CWC22: variants seen among roughly 807,000 people sequenced by gnomAD.
The protein encoded by CWC22 is CWC22 spliceosome associated protein.
A neutral mutation model predicts 117.2 loss-of-function variants in CWC22; 53 were observed. The ratio of observed to expected loss-of-function variants is 0.45; its 90% CI spans 0.36 to 0.57. CWC22 has a LOEUF of 0.57. Ranked by LOEUF, CWC22 falls within the 20% of genes least tolerant of loss-of-function variation. CWC22 has a pLI of 0.00. For synonymous variants in CWC22, 360 were observed against 355.6 expected, an observed-to-expected ratio of 1.01 and a Z score of -0.14; for missense variants, 980 against 1,068.8, an observed-to-expected ratio of 0.92 and a Z score of 1.16.
At chr2:180,002,614 T>C (rs887876217) in intron 1 of CWC22, among the ~76,000 whole-genome samples, 10 of 152,190 alleles carry the variant, frequency 6.6e-5, no homozygotes, top group Non-Finnish European at 1.5e-4. Context: ...AGACAAGGCA[T>C]TGAGGACTCT....
intron 5 of CWC22, among the ~76,000 whole-genome samples, chr2:179,980,292 T>C (rs2105539155): frequency 6.6e-6 from 1 of 152,276 alleles, no homozygotes; most frequent in East Asian, 1.9e-4. Context: ...AGCGCTAAAA[T>C]ATGACACATA....
chr2:179,952,509 G>A lies in CWC22; in HGVS notation c.1779C>T (p.Tyr593=). ...TTGCATTAAGTTTAGGAAGACCCAT[G>A]TATTCACACAGTTCCTGGAAAAATA... is the stretch of plus-strand genomic sequence containing the variant. ...VKIFFQELCE[Y]MGLPKLNARL... The change falls in exon 17 of 20, where the codon TAC becomes TAT. Residue 593 remains tyrosine, a synonymous_variant. Coordinates refer to ENST00000410053, the MANE Select transcript of CWC22 (RefSeq NM_020943.3). 1 of 1,570,890 alleles carries A rather than the reference G, an allele frequency of 6.4e-7. No homozygotes were observed. The highest frequency in any genetic ancestry group is 8.6e-7 in the Non-Finnish European group (1 of 1,156,608).
chr2:179,986,859 T>A, intron 3 of CWC22, 54 bp from the exon 4 acceptor site: 3 of 993,476 alleles, frequency 3.0e-6, no homozygotes, highest in Non-Finnish European at 4.4e-6. Context: ...ATGTTATAAA[T>A]ATTTAGGAAA....
chr2:179,988,458 GT>G (rs1687474728), intron 3 of CWC22, 118 bp downstream of exon 3: 3 of 604,224 alleles, frequency 5.0e-6, no homozygotes, highest in Non-Finnish European at 8.8e-6. Context: ...AGTAATATTG[GT>G]TATAAAACCA....
chr2:179,972,723 T>C (rs113859875), intron 8 of CWC22, among the ~76,000 whole-genome samples: 315 of 152,226 alleles, frequency 2.1e-3, no homozygotes, highest in African/African-American at 7.0e-3. Context: ...GAATATTAAA[T>C]ATGGCCAGGC....
At chr2:179,961,447 A>G (rs989956844) in intron 13 of CWC22, among the ~76,000 whole-genome samples, 3 of 151,990 alleles carry the variant, frequency 2.0e-5, no homozygotes, top group Non-Finnish European at 2.9e-5. Context: ...TAAAAAAGAA[A>G]CCTATCAGGA....
At chr2:179,950,292 T>G (rs1249342456) in intron 19 of CWC22, among the ~76,000 whole-genome samples, 1 of 152,180 alleles carries the variant, frequency 6.6e-6, no homozygotes, top group African/African-American at 2.4e-5. Flanking sequence ...GAATGAAATA[T>G]TTTCATTTCT....
chr2:179,990,884 T>C (rs1051054860), intron 2 of CWC22, among the ~76,000 whole-genome samples: 6 of 152,172 alleles, frequency 3.9e-5, no homozygotes, highest in Admixed American at 3.3e-4. Flanking sequence ...TGGCATACAG[T>C]GCTAACGGAT....
intron 6 of CWC22, among the ~76,000 whole-genome samples, chr2:179,976,297 T>C (rs1687150364): frequency 6.6e-6 from 1 of 152,170 alleles, no homozygotes; most frequent in Non-Finnish European, 1.5e-5. Context: ...ACTGTGAAAC[T>C]ACTATAAGTT....
At chr2:179,961,779 C>T (rs537558903) in intron 13 of CWC22, among the ~76,000 whole-genome samples, 79 of 151,974 alleles carry the variant, frequency 5.2e-4, no homozygotes, top group Middle Eastern at 3.4e-3. Context: ...CCCCCCTACA[C>T]CAAGACAGTT....
In CWC22 at chr2:179,945,202, T is replaced by G; in HGVS notation, c.2654A>C (p.Tyr885Ser). 6.2e-7 allele frequency: 1 copy of G among 1,613,806 alleles called. No homozygotes were observed. Residue 885 changes from tyrosine to serine, a missense_variant, in exon 20 of 20, where the codon TAC (tyrosine) becomes TCC (serine). Tyr to Ser is a moderately radical substitution (Grantham distance 144). Transcript: ENST00000410053. The part of the protein sequence containing the change: ...AERRWEKSSR[Y>S]SEQSRESKKN... ...CTTTGATTCTCTGGATTGTTCAGAG[T>G]ATCTGCTAGATTTTTCCCATCGTCT...
intron 1 of CWC22, among the ~76,000 whole-genome samples, chr2:180,004,388 C>T (rs187730537): frequency 2.6e-5 from 4 of 151,862 alleles, no homozygotes; most frequent in Non-Finnish European, 5.9e-5. Context: ...TTCTTTTTTT[C>T]TTCTTCTTCT....
intron 7 of CWC22, 62 bp downstream of exon 7, chr2:179,973,572 T>C: frequency 9.3e-7 from 1 of 1,073,108 alleles, no homozygotes; most frequent in Non-Finnish European, 1.3e-6. Context: ...CTTACTTTTG[T>C]TGATACTGGT....
intron 13 of CWC22, among the ~76,000 whole-genome samples, chr2:179,964,289 A>G (rs976455961): frequency 1.3e-5 from 2 of 152,242 alleles, no homozygotes; most frequent in African/African-American, 4.8e-5. Flanking sequence ...GCACTTAACT[A>G]TAAGAAATGA....
intron 11 of CWC22, among the ~76,000 whole-genome samples, chr2:179,968,044 G>C (rs913059132): frequency 6.6e-6 from 1 of 152,106 alleles, no homozygotes; most frequent in African/African-American, 2.4e-5. Context: ...TTGGACGAGA[G>C]CGGTGGTAAT....
At chr2:179,973,165 G>A (rs1687074345) in intron 8 of CWC22, 28 bp downstream of exon 8, 1 of 1,537,838 alleles carries the variant, frequency 6.5e-7, no homozygotes, top group African/African-American at 1.4e-5. Context: ...CCACTGAATG[G>A]GACCAAGTAT....
intron 1 of CWC22, among the ~76,000 whole-genome samples, chr2:179,996,093 G>T (rs957014893): frequency 3.9e-5 from 6 of 152,130 alleles, no homozygotes; most frequent in Non-Finnish European, 7.4e-5. Context: ...GTCCAACCAA[G>T]TTAACTGCCT....
chr2:179,982,540 T>C (rs1687311105), intron 4 of CWC22, among the ~76,000 whole-genome samples: 1 of 152,210 alleles, frequency 6.6e-6, no homozygotes. Flanking sequence ...TAATCTCCAA[T>C]AGTGGTTACT....
At chr2:179,955,936 A>T (rs762415288) in intron 14 of CWC22, among the ~76,000 whole-genome samples, 22 of 152,082 alleles carry the variant, frequency 1.4e-4, no homozygotes, top group Non-Finnish European at 2.4e-4. Flanking sequence ...CGATCAGTGT[A>T]ATCTTTTCTA....
Sources: gnomAD v4.1 joint callset for allele counts (sites outside exome capture counted in the v4.1 genomes callset) on GRCh38, gnomAD v4.1.1 for gene constraint, MANE v1.5 for transcripts, NCBI Gene and HGNC (gene_info 2026-07-23, HGNC 2026-07-21) for gene names.